The following PIEZO2 variants were observed in gnomAD, a reference collection of about 807,000 sequenced individuals.
The protein encoded by PIEZO2 is piezo type mechanosensitive ion channel component 2.
A neutral mutation model predicts 337.3 loss-of-function variants in PIEZO2; 172 were observed. That is an observed-to-expected ratio of 0.51 (90% confidence interval 0.45 to 0.58). The LOEUF (loss-of-function observed/expected upper bound fraction) is 0.58, where lower values mean the gene tolerates loss of function less well. Ranked by LOEUF, PIEZO2 falls within the 20% of genes least tolerant of loss-of-function variation. The pLI is 0.00. For synonymous variants in PIEZO2, 1,251 were observed against 1,228.5 expected, an observed-to-expected ratio of 1.02 and a Z score of -0.38; for missense variants, 3,028 against 3,391.3, an observed-to-expected ratio of 0.89 and a Z score of 2.66.
intron 4 of PIEZO2, among the ~76,000 whole-genome samples, chr18:10,898,481 G>A (rs2042962693): frequency 6.6e-6 from 1 of 152,186 alleles, no homozygotes; most frequent in Non-Finnish European, 1.5e-5. Flanking sequence ...CAACCATAAG[G>A]AAAGTTAAAA....
At chr18:11,068,986 C>T (rs775299233) in intron 1 of PIEZO2, among the ~76,000 whole-genome samples, 1 of 151,912 alleles carries the variant, frequency 6.6e-6, no homozygotes, top group African/African-American at 2.4e-5. Context: ...AATAAAAAAT[C>T]TGAGCAGACT....
rs550820425 is a variant in PIEZO2 at position 11,148,005 on chromosome 18, T to A, written c.64+520A>T. ...AAATAAGTAAGAAACGTCAAGGCAC[T>A]GTCTCCCTGTACCTCGTCCCTCTTT... On this transcript the variant is annotated intron_variant, in intron 1 of 55. Coordinates refer to ENST00000674853, the MANE Select transcript of PIEZO2 (RefSeq NM_001378183.1). This position sits in a 1 kb window ranked among gnomAD's most constrained non-coding sequence, Gnocchi z 5.2. Among the ~76,000 whole-genome samples the A allele has an allele frequency of 2.6e-5, 4 of 152,244 alleles. No individual in the cohort carries two copies. Among genetic ancestry groups the A allele is most frequent in the African/African-American group, 4.8e-5 (2 of 41,472 alleles).
At chr18:11,066,273 T>C (rs1214883264) in intron 1 of PIEZO2, 51 bp from the exon 2 acceptor site, 5 of 1,433,758 alleles carry the variant, frequency 3.5e-6, no homozygotes, top group Admixed American at 4.0e-5. Context: ...CAAAGGCAGG[T>C]TGACAAAACC....
chr18:10,746,788 GC>G lies in PIEZO2; in HGVS notation c.4424+1682del, dbSNP rs1356618259. 6.6e-6 allele frequency among the ~76,000 whole-genome samples: 1 copy of G among 152,162 alleles called. No individual in the cohort carries two copies. The highest frequency in any genetic ancestry group is 1.5e-5 in the Non-Finnish European group (1 of 68,024). On this transcript the variant is annotated intron_variant, in intron 30 of 55. Coordinates refer to ENST00000674853, the MANE Select transcript of PIEZO2 (RefSeq NM_001378183.1). The surrounding 1 kb of genome is among the most constrained non-coding windows in gnomAD (Gnocchi z 4.2). ...CCATCTATGAGGAAGTGGGCCCTCG[GC>G]CGACACTGAATCTGCTCGAACCTTG...
In PIEZO2 at chr18:10,707,022, C is replaced by T. The variant is rs1453872818; in HGVS notation, c.5588+1253G>A. Among the ~76,000 whole-genome samples the T allele has an allele frequency of 6.6e-6, 1 of 152,146 alleles. No individual in the cohort carries two copies. The highest frequency in any genetic ancestry group is 2.4e-5 in the African/African-American group (1 of 41,424). ...TCACGGCATCCTGTGACTGAAGAAC[C>T]AGATTGGCCTGAGCTTTTGATGCCC... On this transcript the variant is annotated intron_variant, in intron 40 of 55. Transcript: ENST00000674853. The surrounding 1 kb of genome is among the most constrained non-coding windows in gnomAD (Gnocchi z 4.2).
intron 47 of PIEZO2, among the ~76,000 whole-genome samples, chr18:10,691,852 T>C (rs1437093056): frequency 6.8e-6 from 1 of 147,206 alleles, no homozygotes; most frequent in Non-Finnish European, 1.5e-5. Flanking sequence ...AGAATTCTGA[T>C]AGGTGGACTC....
intron 2 of PIEZO2, among the ~76,000 whole-genome samples, chr18:11,011,814 A>G (rs1179922153): frequency 2.0e-5 from 3 of 152,172 alleles, no homozygotes; most frequent in Admixed American, 6.5e-5. Context: ...TGATATAGCT[A>G]TGTTCCACCA....
In PIEZO2 at chr18:11,111,041, C is replaced by T. The variant is rs897417247; in HGVS notation, c.64+37484G>A. On this transcript the variant is annotated intron_variant, in intron 1 of 55. Transcript: ENST00000674853. The surrounding 1 kb of genome is among the most constrained non-coding windows in gnomAD (Gnocchi z 6.2). ...TTCAGTGCAGCTGCAAATGGACGTCCGGGCAGACAGGGCAGAGGACAGACA... is the reference window on the plus strand; with the variant it reads ...TTCAGTGCAGCTGCAAATGGACGTCTGGGCAGACAGGGCAGAGGACAGACA... 2.0e-5 allele frequency among the ~76,000 whole-genome samples: 3 copies of T among 152,248 alleles called. No individual in the cohort carries two copies. The highest frequency in any genetic ancestry group is 2.1e-4 in the South Asian group (1 of 4,828).
chr18:10,708,175 G>A (rs1372793954), intron 40 of PIEZO2, 100 bp downstream of exon 40: 1 of 152,200 alleles, frequency 6.6e-6, no homozygotes, highest in Non-Finnish European at 1.5e-5. Flanking sequence ...AAATAAAAAT[G>A]AAATAAAAAC....
intron 3 of PIEZO2, among the ~76,000 whole-genome samples, chr18:10,918,202 T>G (rs1242657839): frequency 6.6e-6 from 1 of 152,138 alleles, no homozygotes; most frequent in Non-Finnish European, 1.5e-5. Context: ...ATTTTCCAAG[T>G]CCTATTTCCC....
At chr18:10,765,330 G>A (rs2038305788) in intron 21 of PIEZO2, among the ~76,000 whole-genome samples, 1 of 152,220 alleles carries the variant, frequency 6.6e-6, no homozygotes, top group South Asian at 2.1e-4. Flanking sequence ...TCTGAAACCT[G>A]TCAGGGGACT....
At chr18:11,068,999 TA>T (rs199593457) in intron 1 of PIEZO2, among the ~76,000 whole-genome samples, 1,562 of 152,002 alleles carry the variant, frequency 0.01, 26 homozygotes, top group African/African-American at 0.036. Context: ...AGCAGACTAG[TA>T]AAAAGTAAGG....
intron 8 of PIEZO2, among the ~76,000 whole-genome samples, chr18:10,805,552 CAT>C (rs2039975594): frequency 6.6e-6 from 1 of 152,156 alleles, no homozygotes; most frequent in Admixed American, 6.5e-5. Flanking sequence ...TTTTTATGTA[CAT>C]GTTTTTATTT....
intron 5 of PIEZO2, among the ~76,000 whole-genome samples, chr18:10,866,288 CTTT>C (rs140860572): frequency 4.3e-5 from 6 of 139,760 alleles, no homozygotes; most frequent in East Asian, 2.1e-4. Context: ...ATATCCCTGC[CTTT>C]TTTTTTTTTT....
intron 37 of PIEZO2, among the ~76,000 whole-genome samples, chr18:10,717,614 C>A (rs918168041): frequency 6.6e-6 from 1 of 152,098 alleles, no homozygotes; most frequent in Non-Finnish European, 1.5e-5. Flanking sequence ...CATAAAGATA[C>A]CTTCCTCCAA....
In PIEZO2 at chr18:11,102,185, G is replaced by A. The variant is rs989479953; in HGVS notation, c.65-35963C>T. On this transcript the variant is annotated intron_variant, in intron 1 of 55. Coordinates refer to ENST00000674853, the MANE Select transcript of PIEZO2 (RefSeq NM_001378183.1). This position sits in a 1 kb window ranked among gnomAD's most constrained non-coding sequence, Gnocchi z 5.7. ...AACAAACACAAATTGTGGGGTGTAT[G>A]CAAGATGTGATTTTATTTTCACCTT... Among the ~76,000 whole-genome samples, 1 of 152,282 alleles carries A rather than the reference G, an allele frequency of 6.6e-6. No homozygotes were observed. The highest frequency in any genetic ancestry group is 1.5e-5 in the Non-Finnish European group (1 of 68,018).
chr18:10,756,383 G>C (rs1262963210), intron 27 of PIEZO2, among the ~76,000 whole-genome samples: 1 of 149,982 alleles, frequency 6.7e-6, no homozygotes, highest in Non-Finnish European at 1.5e-5. Flanking sequence ...TGTAGATAAA[G>C]GATGAAAGAT....
intron 1 of PIEZO2, among the ~76,000 whole-genome samples, chr18:11,086,976 C>A (rs1235552966): frequency 6.6e-6 from 1 of 152,148 alleles, no homozygotes; most frequent in Non-Finnish European, 1.5e-5. Flanking sequence ...TGTGTCCCCC[C>A]AAAATTCCTA....
At chr18:10,858,614 C>T (rs538257169) in intron 5 of PIEZO2, among the ~76,000 whole-genome samples, 10 of 152,272 alleles carry the variant, frequency 6.6e-5, no homozygotes, top group South Asian at 4.1e-4. Context: ...TATTCACTGA[C>T]GGTGTCTGAC....
Sources: gnomAD v4.1 joint callset for allele counts (sites outside exome capture counted in the v4.1 genomes callset) on GRCh38, gnomAD v4.1.1 for gene constraint, Gnocchi (gnomAD v3.1) non-coding constraint, MANE v1.5 for transcripts, NCBI Gene and HGNC (gene_info 2026-07-23, HGNC 2026-07-21) for gene names.